The following LAMB3 variants were observed in gnomAD, a reference collection of about 807,000 sequenced individuals.
LAMB3 encodes laminin subunit beta-3.
LAMB3 carries 104 observed loss-of-function variants against 140.3 expected under a neutral mutation model. The ratio of observed to expected loss-of-function variants is 0.74; its 90% CI spans 0.63 to 0.87. The LOEUF is 0.87. LAMB3 is among the 40% of genes least tolerant of loss of function. The probability of loss-of-function intolerance (pLI) is 0.00; values close to 1 mark genes in which losing one functional copy is unlikely to be tolerated. For missense variants in LAMB3, 1,531 were observed against 1,575.2 expected, an observed-to-expected ratio of 0.97 and a Z score of 0.47; for synonymous variants, 592 against 602.9, an observed-to-expected ratio of 0.98 and a Z score of 0.26.
Position 209,627,417 on chromosome 1 carries a change from T to A in LAMB3, c.1451A>T (p.Asp484Val). Residue 484 changes from aspartate to valine, a missense_variant, in exon 12 of 23, where the codon GAC (aspartate) becomes GTC (valine). Transcript: ENST00000356082. ...CTGTGGGCTGAGGGAGTTGTGCGGG[T>A]CGCAGGCACACGGTTCACAGCCCTG... ...SGQGCEPCAC[D>V]PHNSLSPQCN... The A allele has an allele frequency of 6.2e-7, 1 of 1,613,420 alleles. No individual in the cohort carries two copies. The highest frequency in any genetic ancestry group is 8.5e-7 in the Non-Finnish European group (1 of 1,179,842).
chr1:209,625,868 G>T lies in LAMB3; in HGVS notation c.1756C>A (p.Gln586Lys), dbSNP rs749842554. The T allele has an allele frequency of 6.2e-7, 1 of 1,613,968 alleles. No homozygotes were observed. Among genetic ancestry groups the T allele is most frequent in the African/African-American group, 1.3e-5 (1 of 74,948 alleles). Residue 586 changes from glutamine to lysine, a missense_variant, in exon 14 of 23, where the codon CAG becomes AAG. Physicochemically the swap from Gln to Lys is moderately conservative, Grantham distance 53. Coordinates refer to ENST00000356082, the MANE Select transcript of LAMB3 (RefSeq NM_000228.3). ...TCCCGGAGGTCCGCATCATAGGTCTGGAAGCAAGGGTGGCAGGCCACGCAC... is the reference window on the plus strand; with the variant it reads ...TCCCGGAGGTCCGCATCATAGGTCTTGAAGCAAGGGTGGCAGGCCACGCAC... ...PVCVACHPCF[Q>K]TYDADLREQA... is the part of the protein sequence containing the mutation.
chr1:209,650,178 C>G, intron 2 of LAMB3, 60 bp from the exon 3 acceptor site: 3 of 1,528,850 alleles, frequency 2.0e-6, no homozygotes, highest in Non-Finnish European at 2.7e-6. Flanking sequence ...CACTGGCCAC[C>G]CCAGTATCTT....
At chr1:209,633,738 C>A (rs893484595) in intron 6 of LAMB3, among the ~76,000 whole-genome samples, 3 of 152,182 alleles carry the variant, frequency 2.0e-5, no homozygotes, top group Non-Finnish European at 2.9e-5. Flanking sequence ...GCATGGCCTG[C>A]ATAGAGGGCC....
intron 2 of LAMB3, among the ~76,000 whole-genome samples, chr1:209,650,333 G>T (rs2076554753): frequency 6.6e-6 from 1 of 152,320 alleles, no homozygotes; most frequent in South Asian, 2.1e-4. Flanking sequence ...AAAAGGAGAA[G>T]AGGAGAAACA....
intron 11 of LAMB3, 144 bp from the exon 12 acceptor site, chr1:209,627,723 C>T (rs1173359840): frequency 2.4e-6 from 2 of 830,594 alleles, no homozygotes; most frequent in Non-Finnish European, 3.9e-6. Context: ...CTCACAGGAC[C>T]CCTGCGCTGT....
chr1:209,618,741 G>A (rs1023245549), intron 18 of LAMB3, 82 bp from the exon 19 acceptor site: 18 of 1,366,592 alleles, frequency 1.3e-5, no homozygotes, highest in Non-Finnish European at 1.7e-5. Flanking sequence ...AGCAGCACTT[G>A]TGGAAGGCAC....
Position 209,634,684 on chromosome 1 carries a change from GC to G in LAMB3, c.373-47del, listed in dbSNP as rs749879097. ...TGCAGAGGGGAGGCACTGGGGCTGTGCCCCGTGGAGACACAAGCAGAGAGAC... is the reference window on the plus strand; with the variant it reads ...TGCAGAGGGGAGGCACTGGGGCTGTGCCCGTGGAGACACAAGCAGAGAGAC... On this transcript the variant is annotated intron_variant, in intron 5 of 22. Transcript: ENST00000356082. 1.7e-5 allele frequency: 26 copies of G among 1,497,122 alleles called. 1 individual carries two copies. The highest frequency in any genetic ancestry group is 3.9e-4 in the Middle Eastern group (2 of 5,180). The allele number at this position is 1,497,122 out of a possible 1,614,324, so 92.7% of individuals were successfully genotyped here.
intron 13 of LAMB3, among the ~76,000 whole-genome samples, 198 bp from the exon 14 acceptor site, chr1:209,626,224 C>T (rs1406438672): frequency 6.6e-6 from 1 of 152,222 alleles, no homozygotes; most frequent in African/African-American, 2.4e-5. Context: ...ATGTGCCAGG[C>T]ACCACTTAAA....
At position 209,617,409 on chromosome 1, in the gene LAMB3, C is replaced by A. The variant is rs778026407; in HGVS notation, c.3228+1G>T. On this transcript the variant is annotated splice_donor_variant, in intron 21 of 22. Transcript: ENST00000356082. LOFTEE classifies it high-confidence loss of function. Reference sequence around the variant, plus strand: ...TTGAGCTAACTCCGCCTTCTCTGTACCTCTTGGGCACTCAATGCCTGCTCG... The same window carrying A: ...TTGAGCTAACTCCGCCTTCTCTGTAACTCTTGGGCACTCAATGCCTGCTCG... 1 of 1,612,278 alleles carries A rather than the reference C, an allele frequency of 6.2e-7. No individual in the cohort carries two copies. The highest frequency in any genetic ancestry group is 8.5e-7 in the Non-Finnish European group (1 of 1,180,016).
intron 3 of LAMB3, among the ~76,000 whole-genome samples, chr1:209,645,939 A>G (rs1302349741): frequency 6.6e-6 from 1 of 152,206 alleles, no homozygotes; most frequent in African/African-American, 2.4e-5. Context: ...ATTTACATGC[A>G]TGTGCGCCTG....
At position 209,638,382 on chromosome 1, in the gene LAMB3, A is replaced by T. The variant is rs1349322349; in HGVS notation, c.298+152T>A. 4.3e-6 allele frequency: 3 copies of T among 695,354 alleles called. No individual in the cohort carries two copies. The African/African-American group carries it at 5.3e-5, about 12-fold the overall frequency. 43.1% of individuals were successfully genotyped at this position (695,354 alleles called of 1,614,324 possible). A position where few individuals can be genotyped will look rare whatever the true frequency, so the allele number is the denominator to read the frequency against. On this transcript the variant is annotated intron_variant, in intron 4 of 22. Coordinates refer to ENST00000356082, the MANE Select transcript of LAMB3 (RefSeq NM_000228.3). ...CTACCATAACATCCAACAGACCCCA[A>T]ATATGAGGCAGAAAGATTCTTCTTA...
chr1:209,620,568 G>A (rs1571801199), intron 18 of LAMB3, among the ~76,000 whole-genome samples: 1 of 152,244 alleles, frequency 6.6e-6, no homozygotes, highest in Non-Finnish European at 1.5e-5. Context: ...ATGCCGTAAA[G>A]CAATAGGGTG....
intron 3 of LAMB3, among the ~76,000 whole-genome samples, chr1:209,648,960 C>T (rs2076541088): frequency 1.3e-5 from 2 of 152,182 alleles, no homozygotes; most frequent in South Asian, 2.1e-4. Context: ...CTGGCTAGGG[C>T]TGGCCATCTT....
intron 13 of LAMB3, 148 bp downstream of exon 13, chr1:209,626,719 G>A (rs1327077693): frequency 2.9e-6 from 2 of 700,788 alleles, no homozygotes; most frequent in African/African-American, 1.7e-5. Context: ...AGGCCGGAGT[G>A]TGTGCACTCA....
At chr1:209,651,188 G>C (rs1487458625) in intron 1 of LAMB3, 2 of 559,214 alleles carry the variant, frequency 3.6e-6, no homozygotes, top group South Asian at 2.0e-5. Context: ...TGACTCACAG[G>C]GTGCCCTGGG....
intron 3 of LAMB3, among the ~76,000 whole-genome samples, chr1:209,644,910 G>A (rs2076502602): frequency 6.6e-6 from 1 of 152,192 alleles, no homozygotes; most frequent in Non-Finnish European, 1.5e-5. Flanking sequence ...AAAGAAGCAA[G>A]GTAGGTCTGC....
At chr1:209,627,730 C>T in intron 11 of LAMB3, 151 bp from the exon 12 acceptor site, 1 of 812,624 alleles carries the variant, frequency 1.2e-6, no homozygotes, top group Non-Finnish European at 2.0e-6. Flanking sequence ...GACCCCTGCG[C>T]TGTCCCACCA....
At position 209,629,765 on chromosome 1, in the gene LAMB3, CG is replaced by C. The variant is rs1558157117; in HGVS notation, c.1103del (p.Pro368ArgfsTer28). Reference sequence around the variant, plus strand: ...TGCAGGTCTCCTGAATGGAAGCTCCCGGGCGCCGGTTCCGGAAATAGTGCAG... The same window carrying C: ...TGCAGGTCTCCTGAATGGAAGCTCCCGGCGCCGGTTCCGGAAATAGTGCAG... ...CQLHYFRNRR[P>X]GASIQETCIS... On this transcript the variant is annotated frameshift_variant, in exon 10 of 23. Transcript: ENST00000356082. LOFTEE classifies it high-confidence loss of function. 6.2e-7 allele frequency: 1 copy of C among 1,614,024 alleles called. No homozygotes were observed. Among genetic ancestry groups the C allele is most frequent in the African/African-American group, 1.3e-5 (1 of 74,896 alleles).
chr1:209,618,413 A>T (rs1336784711), intron 19 of LAMB3, 39 bp downstream of exon 19: 1 of 1,601,214 alleles, frequency 6.2e-7, no homozygotes, highest in Admixed American at 1.7e-5. Flanking sequence ...ACGCCAGCTT[A>T]ATCCTGGGCA....
Sources: gnomAD v4.1 joint callset for allele counts (sites outside exome capture counted in the v4.1 genomes callset) on GRCh38, gnomAD v4.1.1 for gene constraint, MANE v1.5 for transcripts, NCBI Gene and HGNC (gene_info 2026-07-23, HGNC 2026-07-21) for gene names.